GRIN3A: variants seen among roughly 807,000 people sequenced by gnomAD.
GRIN3A encodes glutamate receptor ionotropic, NMDA 3A.
Under a neutral mutation model 92.4 loss-of-function variants are expected in GRIN3A, and 47 were observed. That is an observed-to-expected ratio of 0.51 (90% CI 0.40 to 0.65). GRIN3A has a LOEUF of 0.65. Among genes scored for constraint, GRIN3A ranks in the 30% least tolerant of loss-of-function variants. The pLI is 0.00. For missense variants in GRIN3A, 1,324 were observed against 1,393.1 expected (o/e 0.95, Z 0.79); for synonymous variants, 527 against 540.6 (o/e 0.97, Z 0.35).
intron 1 of GRIN3A, among the ~76,000 whole-genome samples, chr9:101,693,704 C>T (rs1215069957): frequency 6.6e-6 from 1 of 152,176 alleles, no homozygotes; most frequent in Non-Finnish European, 1.5e-5. Context: ...CCAGTGTGCA[C>T]ATGGCTTCCC....
intron 6 of GRIN3A, among the ~76,000 whole-genome samples, chr9:101,612,538 T>C (rs1297912441): frequency 6.6e-6 from 1 of 152,132 alleles, no homozygotes; most frequent in African/African-American, 2.4e-5. Context: ...AATACAACTT[T>C]GGGAGTTCTT....
chr9:101,583,072 A>G (rs138264027), intron 6 of GRIN3A, among the ~76,000 whole-genome samples: 4 of 152,180 alleles, frequency 2.6e-5, no homozygotes, highest in African/African-American at 9.7e-5. Flanking sequence ...ATTACCCTGT[A>G]AGTTAAGTGT....
intron 6 of GRIN3A, among the ~76,000 whole-genome samples, chr9:101,612,800 T>C (rs547779548): frequency 1.3e-5 from 2 of 152,380 alleles, no homozygotes; most frequent in East Asian, 3.9e-4. Context: ...TTGTGTGCCT[T>C]AGGGAAACCA....
chr9:101,685,017 A>C (rs759079625), intron 2 of GRIN3A, among the ~76,000 whole-genome samples: 5 of 152,192 alleles, frequency 3.3e-5, no homozygotes, highest in Non-Finnish European at 5.9e-5. Context: ...ATAAAATAAA[A>C]TATGCATGGA....
In GRIN3A at chr9:101,573,155, A is replaced by T. The variant is rs778683815; in HGVS notation, c.*19T>A. 6.3e-7 allele frequency: 1 copy of T among 1,599,822 alleles called. No individual in the cohort carries two copies. Among genetic ancestry groups the T allele is most frequent in the Admixed American group, 1.7e-5 (1 of 59,982 alleles). On this transcript the variant is annotated 3_prime_UTR_variant, in exon 9 of 9. Coordinates refer to ENST00000361820, the MANE Select transcript of GRIN3A (RefSeq NM_133445.3). ...TCAGAGGAAGGTCAGGAACTGAGAA[A>T]GGGAAGCAGTGTGGTCACCTAGGAC...
intron 1 of GRIN3A, 98 bp downstream of exon 1, chr9:101,737,183 T>A: frequency 4.2e-6 from 4 of 945,724 alleles, no homozygotes; most frequent in Non-Finnish European, 6.8e-6. Flanking sequence ...AAGTAACAAC[T>A]CCCCTCAGAC....
At chr9:101,629,012 A>G (rs913095394) in intron 3 of GRIN3A, among the ~76,000 whole-genome samples, 4 of 152,166 alleles carry the variant, frequency 2.6e-5, no homozygotes, top group African/African-American at 9.7e-5. Flanking sequence ...GAACTCACTG[A>G]ATATGGTGAC....
At chr9:101,577,625 A>G (rs879614640) in intron 8 of GRIN3A, 143 bp downstream of exon 8, 6 of 709,160 alleles carry the variant, frequency 8.5e-6, no homozygotes, top group African/African-American at 5.3e-5. Context: ...GTCCATATAC[A>G]TTTTTTATTT....
At chr9:101,717,821 T>C (rs916979201) in intron 1 of GRIN3A, among the ~76,000 whole-genome samples, 1 of 152,238 alleles carries the variant, frequency 6.6e-6, no homozygotes, top group African/African-American at 2.4e-5. Flanking sequence ...ATTTGTGGTC[T>C]GTGGCAAATT....
At chr9:101,585,467 G>T (rs1478844038) in intron 6 of GRIN3A, among the ~76,000 whole-genome samples, 1 of 152,014 alleles carries the variant, frequency 6.6e-6, no homozygotes, top group African/African-American at 2.4e-5. Flanking sequence ...GGTAATGAAC[G>T]GACATTTCAA....
chr9:101,657,523 T>TA (rs1829105749), intron 3 of GRIN3A, among the ~76,000 whole-genome samples: 2 of 151,970 alleles, frequency 1.3e-5, no homozygotes, highest in Admixed American at 6.6e-5. Flanking sequence ...AGTTAAGCAT[T>TA]AGCAGTGCTG....
intron 1 of GRIN3A, among the ~76,000 whole-genome samples, chr9:101,702,313 T>A (rs991898515): frequency 1.2e-4 from 18 of 152,020 alleles, no homozygotes; most frequent in African/African-American, 2.2e-4. Context: ...CAAAAAAAAA[T>A]TTTTTTATTT....
At chr9:101,642,182 G>A (rs993657419) in intron 3 of GRIN3A, among the ~76,000 whole-genome samples, 2 of 152,038 alleles carry the variant, frequency 1.3e-5, no homozygotes, top group African/African-American at 4.8e-5. Flanking sequence ...ATGCATATAT[G>A]GTCAACTAAT....
intron 3 of GRIN3A, among the ~76,000 whole-genome samples, chr9:101,633,743 AC>A (rs1409588161): frequency 2.6e-5 from 4 of 152,066 alleles, no homozygotes; most frequent in African/African-American, 9.6e-5. Flanking sequence ...ATTACCACCC[AC>A]CCCCAACCCA....
intron 6 of GRIN3A, among the ~76,000 whole-genome samples, chr9:101,607,058 T>C (rs1375955702): frequency 6.6e-6 from 1 of 151,922 alleles, no homozygotes; most frequent in South Asian, 2.1e-4. Context: ...TGAGGTCAAT[T>C]TAAAATTCCT....
intron 1 of GRIN3A, among the ~76,000 whole-genome samples, chr9:101,690,963 C>T (rs1159953933): frequency 1.3e-5 from 2 of 151,890 alleles, no homozygotes; most frequent in African/African-American, 4.8e-5. Context: ...AATATCAAAT[C>T]ATTAAAAGAT....
In GRIN3A at chr9:101,670,079, G is replaced by C. The variant is rs1252764643; in HGVS notation, c.2333C>G (p.Ser778Cys). 4 of 1,613,208 alleles carry C rather than the reference G, an allele frequency of 2.5e-6. No homozygotes were observed. The highest frequency in any genetic ancestry group is 2.5e-6 in the Non-Finnish European group (3 of 1,179,454). Reference sequence around the variant, plus strand: ...TATTACCTTGGGGTCATGTATTCCAGAAAGCTCTTCATAGATCTTCTCACC... The same window carrying C: ...TATTACCTTGGGGTCATGTATTCCACAAAGCTCTTCATAGATCTTCTCACC... The part of the protein sequence containing the change: ...MVGEKIYEEL[S>C]GIHDPKLHHP... The change falls in exon 3 of 9, where the codon TCT becomes TGT. Residue 778 changes from serine (S) to cysteine (C), a missense_variant. Coordinates refer to ENST00000361820, the MANE Select transcript of GRIN3A (RefSeq NM_133445.3).
At chr9:101,593,402 G>A (rs1385713260) in intron 6 of GRIN3A, 1 of 152,218 alleles carries the variant, frequency 6.6e-6, no homozygotes, top group African/African-American at 2.4e-5. Context: ...CATAGCTGGT[G>A]TAGCTAGCAT....
chr9:101,708,464 A>G (rs957352860), intron 1 of GRIN3A, among the ~76,000 whole-genome samples: 2 of 152,204 alleles, frequency 1.3e-5, no homozygotes, highest in African/African-American at 4.8e-5. Context: ...GCTAAGCCAT[A>G]GTAGTAGAAA....
Sources: gnomAD v4.1 joint callset for allele counts (sites outside exome capture counted in the v4.1 genomes callset) on GRCh38, gnomAD v4.1.1 for gene constraint, MANE v1.5 for transcripts, NCBI Gene and HGNC (gene_info 2026-07-23, HGNC 2026-07-21) for gene names.